The following MATN2 variants were observed in gnomAD, a reference collection of about 807,000 sequenced individuals.
MATN2 encodes the protein matrilin-2.
A neutral mutation model predicts 103.2 loss-of-function variants in MATN2; 69 were observed. The ratio of observed to expected loss-of-function variants is 0.67; its 90% confidence interval spans 0.55 to 0.82. MATN2 has a LOEUF of 0.82. Among genes scored for constraint, MATN2 ranks in the 40% least tolerant of loss-of-function variants. The pLI, the probability that MATN2 is intolerant of heterozygous loss-of-function variation, is 0.00. For missense variants in MATN2, 1,023 were observed against 1,211.5 expected (o/e 0.84, Z 2.31); for synonymous variants, 429 against 450.2 (o/e 0.95, Z 0.60).
intron 1 of MATN2, among the ~76,000 whole-genome samples, chr8:97,879,674 C>T (rs892377578): frequency 1.3e-5 from 2 of 152,200 alleles, no homozygotes; most frequent in Non-Finnish European, 2.9e-5. Flanking sequence ...AATTTCTGGC[C>T]TAGATGGCTG....
intron 4 of MATN2, among the ~76,000 whole-genome samples, chr8:97,961,000 A>C (rs181854087): frequency 2.6e-5 from 4 of 152,238 alleles, no homozygotes; most frequent in Admixed American, 2.6e-4. Context: ...TTTTTAGTAG[A>C]GATGAGGTTT....
chr8:97,902,911 T>C (rs1360834582), intron 2 of MATN2, among the ~76,000 whole-genome samples: 1 of 152,170 alleles, frequency 6.6e-6, no homozygotes, highest in East Asian at 1.9e-4. Context: ...TGTGGAGGAA[T>C]GCCCAGCCTT....
chr8:98,013,795 A>G (rs1252523099), intron 10 of MATN2, among the ~76,000 whole-genome samples: 2 of 152,234 alleles, frequency 1.3e-5, no homozygotes, highest in Non-Finnish European at 2.9e-5. Flanking sequence ...CACATTGTAC[A>G]TAAAACTACA....
chr8:97,888,097 G>T lies in MATN2; in HGVS notation c.-4G>T. On this transcript the variant is annotated 5_prime_UTR_variant, in exon 2 of 19. The change creates a premature stop within an existing upstream ORF in the 5' untranslated region. Coordinates refer to ENST00000254898, the MANE Select transcript of MATN2 (RefSeq NM_002380.5). ...CAGCCTTGCCCCTCTTGCTCGCCTT[G>T]AAAATGGAAAAGATGCTCGCAGGCT... 1 of 1,607,630 alleles carries T rather than the reference G, an allele frequency of 6.2e-7. No individual in the cohort carries two copies. The highest frequency in any genetic ancestry group is 1.1e-5 in the South Asian group (1 of 89,848).
Position 98,008,384 on chromosome 8 carries a change from G to A in MATN2, c.1573+783G>A, listed in dbSNP as rs185060991. Among the ~76,000 whole-genome samples the A allele has an allele frequency of 2.6e-5, 4 of 152,218 alleles. No homozygotes were observed. The East Asian group carries it at 7.7e-4, about 29-fold the overall frequency. ...AGAAGGAATCAGAAATGAAAGAAAA[G>A]GACCACCATTTATCTTCCCCAGCCT... is the stretch of plus-strand genomic sequence containing the variant. On this transcript the variant is annotated intron_variant, in intron 10 of 18. Transcript: ENST00000254898.
chr8:97,945,717 A>AAAAATATATATAT lies in MATN2; in HGVS notation c.835+3819_835+3820insAAATATATATATA, dbSNP rs59472539. On this transcript the variant is annotated intron_variant, in intron 4 of 18. Coordinates refer to ENST00000254898, the MANE Select transcript of MATN2 (RefSeq NM_002380.5). ...CATACACACTATAGAAAAAAAAAAA[A>AAAAATATATATAT]ATATATATATATATATATAATCTCC... is the stretch of plus-strand genomic sequence containing the variant. Among the ~76,000 whole-genome samples, 66 of 121,802 alleles carry AAAAATATATATAT rather than the reference A, an allele frequency of 5.4e-4. 1 individual carries two copies. Among genetic ancestry groups the AAAAATATATATAT allele is most frequent in the East Asian group, 3.5e-3 (15 of 4,298 alleles). The allele number at this position is 121,802 out of a possible 152,430, so 79.9% of individuals were successfully genotyped here. A position where few individuals can be genotyped will look rare whatever the true frequency, so the allele number is the denominator to read the frequency against.
chr8:97,951,277 G>T (rs1037771136), intron 4 of MATN2, among the ~76,000 whole-genome samples: 2 of 152,220 alleles, frequency 1.3e-5, no homozygotes, highest in African/African-American at 4.8e-5. Flanking sequence ...GGAATCTGGG[G>T]TGAGTAGAGC....
chr8:98,032,688 T>G (rs1035282447), intron 16 of MATN2, among the ~76,000 whole-genome samples: 4 of 151,962 alleles, frequency 2.6e-5, no homozygotes, highest in African/African-American at 9.7e-5. Context: ...CCCACCACCA[T>G]GCCCAGCTAA....
intron 2 of MATN2, among the ~76,000 whole-genome samples, chr8:97,905,528 T>G (rs1819138514): frequency 1.3e-5 from 2 of 152,364 alleles, no homozygotes; most frequent in African/African-American, 4.8e-5. Context: ...TTTTCAAGGT[T>G]CATCCATGTT....
At chr8:98,019,108 G>T (rs1813482532) in intron 12 of MATN2, among the ~76,000 whole-genome samples, 1 of 147,486 alleles carries the variant, frequency 6.8e-6, no homozygotes, top group South Asian at 2.1e-4. Flanking sequence ...TATCATAGAA[G>T]ATATATATAT....
chr8:97,961,282 A>C, intron 4 of MATN2, 126 bp from the exon 5 acceptor site: 1 of 971,700 alleles, frequency 1.0e-6, no homozygotes, highest in East Asian at 2.8e-5. Context: ...ATCACGTATC[A>C]AACCTTACAA....
intron 2 of MATN2, among the ~76,000 whole-genome samples, chr8:97,905,477 A>G (rs912898310): frequency 3.3e-5 from 5 of 151,938 alleles, no homozygotes; most frequent in Non-Finnish European, 7.4e-5. Flanking sequence ...ATTCTATCAT[A>G]TTTATCCTTT....
chr8:98,010,286 CCT>C lies in MATN2; in HGVS notation c.1573+2690_1573+2691del, dbSNP rs1488467503. Among the ~76,000 whole-genome samples, 4 of 152,288 alleles carry C rather than the reference CCT, an allele frequency of 2.6e-5. No homozygotes were observed. In the East Asian group the frequency reaches 7.7e-4, roughly 29 times the overall value. On this transcript the variant is annotated intron_variant, in intron 10 of 18. Coordinates refer to ENST00000254898, the MANE Select transcript of MATN2 (RefSeq NM_002380.5). ...CCTCCCACCCCAGGCTCTGCTGGGG[CCT>C]CTCTGCAGAGCTCTCCTGCCCAGCC...
chr8:98,029,614 A>T (rs1813933817), intron 14 of MATN2, among the ~76,000 whole-genome samples: 1 of 152,230 alleles, frequency 6.6e-6, no homozygotes, highest in Non-Finnish European at 1.5e-5. Flanking sequence ...TCCCGGACAA[A>T]TATGCTGAAC....
At chr8:98,006,961 A>T (rs1265843470) in intron 8 of MATN2, 144 bp from the exon 9 acceptor site, 1 of 881,032 alleles carries the variant, frequency 1.1e-6, no homozygotes, top group African/African-American at 1.7e-5. Context: ...AGCCAGGCTG[A>T]TTTTCTAGAG....
At chr8:97,960,203 C>T (rs1224659341) in intron 4 of MATN2, among the ~76,000 whole-genome samples, 2 of 152,156 alleles carry the variant, frequency 1.3e-5, no homozygotes, top group Admixed American at 6.5e-5. Context: ...ATGATCCTCC[C>T]GCCTTGGCCT....
rs201479365 is a variant in MATN2 at position 98,027,590 on chromosome 8, A to T, written c.2117A>T (p.Glu706Val). Residue 706 changes from glutamate to valine, a missense_variant, in exon 14 of 19, where the codon GAG becomes GTG. Coordinates refer to ENST00000254898, the MANE Select transcript of MATN2 (RefSeq NM_002380.5). ...LLQYSTQVHT[E>V]FTLRNFNSAK... ...CAGTATTCCACACAGGTCCACACAG[A>T]GTTCACTCTGAGAAACTTCAACTCA... is the stretch of plus-strand genomic sequence containing the variant. The T allele has an allele frequency of 5.0e-6, 8 of 1,613,724 alleles. No homozygotes were observed. In the African/African-American group the frequency reaches 1.1e-4, roughly 22 times the overall value.
chr8:97,910,265 G>A (rs1819325520), intron 2 of MATN2, among the ~76,000 whole-genome samples: 1 of 151,812 alleles, frequency 6.6e-6, no homozygotes, highest in African/African-American at 2.4e-5. Flanking sequence ...GTTTTGCCAT[G>A]TTGGCTGGTC....
chr8:97,898,352 T>C (rs1818881789), intron 2 of MATN2, among the ~76,000 whole-genome samples: 1 of 152,074 alleles, frequency 6.6e-6, no homozygotes, highest in Non-Finnish European at 1.5e-5. Flanking sequence ...TCCCAGCACT[T>C]GGGGAGGCCA....
Sources: allele counts gnomAD v4.1 joint callset (sites outside exome capture counted in the v4.1 genomes callset), GRCh38; gene constraint gnomAD v4.1.1; transcripts MANE v1.5; gene names NCBI Gene and HGNC (gene_info 2026-07-23, HGNC 2026-07-21).